Variants in FAT3 observed in about 807,000 individuals in gnomAD.
FAT3 encodes protocadherin Fat 3.
FAT3 carries 95 observed loss-of-function variants against 310.2 expected under a neutral mutation model. The ratio of observed to expected loss-of-function variants is 0.31; its 90% CI spans 0.26 to 0.36. The LOEUF (loss-of-function observed/expected upper bound fraction) is 0.36. Ranked by LOEUF, FAT3 falls within the 10% of genes least tolerant of loss-of-function variation. The pLI is 1.00. For missense variants in FAT3, 5,408 were observed against 5,715.6 expected, an observed-to-expected ratio of 0.95 and a Z score of 1.74; for synonymous variants, 2,314 against 2,192.9, an observed-to-expected ratio of 1.06 and a Z score of -1.54.
intron 3 of FAT3, among the ~76,000 whole-genome samples, chr11:92,599,567 A>C (rs1939906252): frequency 6.6e-6 from 1 of 152,206 alleles, no homozygotes; most frequent in African/African-American, 2.4e-5. Flanking sequence ...GATGAGTGGG[A>C]GGATCAGACA....
At chr11:92,558,495 A>G (rs1293967131) in intron 3 of FAT3, among the ~76,000 whole-genome samples, 2 of 151,906 alleles carry the variant, frequency 1.3e-5, no homozygotes, top group Non-Finnish European at 2.9e-5. Flanking sequence ...TTCTAGTAGG[A>G]AATAAGGCTG....
At chr11:92,396,374 C>T (rs966685249) in intron 2 of FAT3, among the ~76,000 whole-genome samples, 2 of 152,106 alleles carry the variant, frequency 1.3e-5, no homozygotes, top group African/African-American at 2.4e-5. Context: ...CTTTTTGTCT[C>T]ATATACAGGT....
At chr11:92,319,837 T>C (rs1335291590) in intron 1 of FAT3, among the ~76,000 whole-genome samples, 4 of 152,334 alleles carry the variant, frequency 2.6e-5, no homozygotes, top group Non-Finnish European at 4.4e-5. Flanking sequence ...ATGCTTGTAC[T>C]AGTGTTTTTC....
chr11:92,659,080 G>A (rs1942681661), intron 3 of FAT3, among the ~76,000 whole-genome samples: 2 of 152,084 alleles, frequency 1.3e-5, no homozygotes, highest in African/African-American at 2.4e-5. Context: ...GTCAAGCTGT[G>A]TAGGTTATGG....
intron 3 of FAT3, among the ~76,000 whole-genome samples, chr11:92,550,025 A>T (rs1202265260): frequency 6.6e-6 from 1 of 152,188 alleles, no homozygotes; most frequent in Non-Finnish European, 1.5e-5. Flanking sequence ...AAGAGTTAGG[A>T]TTAATCCCAC....
intron 1 of FAT3, among the ~76,000 whole-genome samples, chr11:92,303,601 T>C (rs1332962617): frequency 6.6e-6 from 1 of 152,168 alleles, no homozygotes; most frequent in African/African-American, 2.4e-5. Flanking sequence ...TTCTTGAGTC[T>C]AGAAGGTCTT....
chr11:92,588,730 G>C (rs1391520642), intron 3 of FAT3, among the ~76,000 whole-genome samples: 1 of 151,588 alleles, frequency 6.6e-6, no homozygotes. Flanking sequence ...AGAGAAGGTA[G>C]CCAAAGATCT....
intron 2 of FAT3, among the ~76,000 whole-genome samples, chr11:92,490,048 T>G (rs550307977): frequency 1.5e-4 from 23 of 152,252 alleles, no homozygotes; most frequent in Admixed American, 2.6e-4. Flanking sequence ...AGATTCTGCA[T>G]GCAGTATGGA....
At chr11:92,680,825 A>G (rs1056275254) in intron 3 of FAT3, among the ~76,000 whole-genome samples, 1 of 152,206 alleles carries the variant, frequency 6.6e-6, no homozygotes, top group Admixed American at 6.5e-5. Context: ...CACTTGCCCA[A>G]GGTCATTTAA....
chr11:92,490,067 A>C (rs1456971867), intron 2 of FAT3, among the ~76,000 whole-genome samples: 1 of 151,948 alleles, frequency 6.6e-6, no homozygotes, highest in African/African-American at 2.4e-5. Flanking sequence ...GAAAGAGCCC[A>C]TCTCTCCTTT....
rs116729309 is a variant in FAT3, at chr11:92,886,099, T to C, written c.12938-901T>C. 9.6e-3 allele frequency among the ~76,000 whole-genome samples: 1,466 copies of C among 152,266 alleles called. 30 individuals carry two copies. Among genetic ancestry groups the C allele is most frequent in the African/African-American group, 0.033 (1,374 of 41,544 alleles). ...TCTTCCTGGTGATCACTGCCCTCAC[T>C]CCTTGCTGATGTGACAGCTTTATTT... On this transcript the variant is annotated intron_variant, in intron 24 of 27. Transcript: ENST00000525166.
intron 2 of FAT3, among the ~76,000 whole-genome samples, chr11:92,359,547 T>C (rs1269860842): frequency 6.6e-6 from 1 of 151,320 alleles, no homozygotes; most frequent in Non-Finnish European, 1.5e-5. Flanking sequence ...GTTACATATG[T>C]ATACATGTGC....
intron 4 of FAT3, among the ~76,000 whole-genome samples, chr11:92,701,256 G>A (rs1359798425): frequency 6.6e-6 from 1 of 152,186 alleles, no homozygotes; most frequent in Admixed American, 6.5e-5. Context: ...GGACATTAAT[G>A]ATTTCTTGGT....
chr11:92,880,933 A>G (rs1949658709), intron 23 of FAT3, 49 bp downstream of exon 23: 3 of 1,581,140 alleles, frequency 1.9e-6, no homozygotes, highest in African/African-American at 1.4e-5. Flanking sequence ...CTTTATTGCT[A>G]CAACAAACCA....
intron 1 of FAT3, among the ~76,000 whole-genome samples, chr11:92,302,670 C>T (rs188686635): frequency 6.6e-6 from 1 of 151,964 alleles, no homozygotes; most frequent in African/African-American, 2.4e-5. Flanking sequence ...GCAGAAAAAT[C>T]CAAACAGAAC....
chr11:92,443,259 C>A (rs1029668231), intron 2 of FAT3, among the ~76,000 whole-genome samples: 2 of 152,128 alleles, frequency 1.3e-5, no homozygotes, highest in Admixed American at 6.5e-5. Flanking sequence ...AATAAGCTTT[C>A]CTAATTTAGC....
chr11:92,764,989 G>A lies in FAT3; in HGVS notation c.4095G>A (p.Pro1365=), dbSNP rs762131673. ...CTATACCATTGACCTTCGATGAGCC[G>A]TTTTATAACTTCACAGTCATGGAAA... ...PSPIPLTFDE[P]FYNFTVMESD... Residue 1365 remains proline, a synonymous_variant, in exon 6 of 28, where the codon CCG becomes CCA. Transcript: ENST00000525166. The A allele has an allele frequency of 3.2e-5, 51 of 1,613,658 alleles. No individual in the cohort carries two copies. The highest frequency in any genetic ancestry group is 6.7e-5 in the African/African-American group (5 of 74,872).
chr11:92,390,237 T>G (rs1949718579), intron 2 of FAT3, among the ~76,000 whole-genome samples: 1 of 151,972 alleles, frequency 6.6e-6, no homozygotes, highest in Non-Finnish European at 1.5e-5. Context: ...CCCTATATAA[T>G]CCTCCCAAGA....
At position 92,759,624 on chromosome 11, in the gene FAT3, G is replaced by A. The variant is rs536727886; in HGVS notation, c.3670-2232G>A. ...GGCCTGAGGGAGCTGGGTGCTTGCA[G>A]TAACATGATGACGAGTGACCCGCTA... On this transcript the variant is annotated intron_variant, in intron 4 of 27. Transcript: ENST00000525166. Among the ~76,000 whole-genome samples the A allele has an allele frequency of 4.6e-5, 7 of 152,266 alleles. No individual in the cohort carries two copies. In the East Asian group the frequency reaches 9.7e-4, roughly 21 times the overall value.
Sources: allele counts gnomAD v4.1 joint callset (sites outside exome capture counted in the v4.1 genomes callset), GRCh38; gene constraint gnomAD v4.1.1; transcripts MANE v1.5; gene names NCBI Gene and HGNC (gene_info 2026-07-23, HGNC 2026-07-21).